Variants in ASIC2 observed in about 807,000 individuals in gnomAD.
The protein encoded by ASIC2 is acid-sensing ion channel 2.
In ASIC2, 25 loss-of-function variants were observed where a neutral mutation model predicts 57.3. That is an observed-to-expected ratio of 0.44 (90% CI 0.32 to 0.61). The LOEUF (loss-of-function observed/expected upper bound fraction) is 0.61. ASIC2 is among the 20% of genes least tolerant of loss of function. The pLI is 0.06. For missense variants in ASIC2, 641 were observed against 738.1 expected (o/e 0.87, Z 1.52); for synonymous variants, 319 against 307.5 (o/e 1.04, Z -0.39).
chr17:33,643,335 T>C (rs556038588), intron 1 of ASIC2, among the ~76,000 whole-genome samples: 3 of 152,256 alleles, frequency 2.0e-5, no homozygotes, highest in Non-Finnish European at 4.4e-5. Context: ...TTATAAAAAC[T>C]ATCTTTGCTG....
At chr17:33,220,415 A>G (rs1040320388) in intron 1 of ASIC2, among the ~76,000 whole-genome samples, 3 of 152,132 alleles carry the variant, frequency 2.0e-5, no homozygotes, top group African/African-American at 7.2e-5. Flanking sequence ...CTTGCTAACC[A>G]TCCCCACTTC....
intron 1 of ASIC2, among the ~76,000 whole-genome samples, chr17:33,415,693 AAG>A (rs1311137946): frequency 2.0e-5 from 3 of 152,138 alleles, no homozygotes; most frequent in African/African-American, 4.8e-5. Context: ...GAGACAGAGA[AAG>A]AGAGAGAGCT....
chr17:33,529,500 C>T (rs1458992624), intron 1 of ASIC2, among the ~76,000 whole-genome samples: 3 of 152,210 alleles, frequency 2.0e-5, no homozygotes, highest in Admixed American at 6.5e-5. Flanking sequence ...GTAGAATCTG[C>T]AAGACCCCTA....
At chr17:33,659,097 A>G (rs564899475) in intron 1 of ASIC2, among the ~76,000 whole-genome samples, 29 of 152,230 alleles carry the variant, frequency 1.9e-4, no homozygotes, top group Non-Finnish European at 3.8e-4. Flanking sequence ...GGAGGAACGC[A>G]CACACTCAGA....
chr17:33,968,154 A>C (rs1226873765), intron 1 of ASIC2, among the ~76,000 whole-genome samples: 2 of 152,054 alleles, frequency 1.3e-5, no homozygotes, highest in Non-Finnish European at 1.5e-5. Context: ...CCACATCCCC[A>C]TGTTGCCAGA....
intron 1 of ASIC2, among the ~76,000 whole-genome samples, chr17:33,865,785 G>C (rs1382457611): frequency 8.6e-4 from 61 of 71,136 alleles, no homozygotes; most frequent in African/African-American, 3.0e-3. Context: ...AAAAAAAAAC[G>C]TTTTTTTATT....
intron 1 of ASIC2, among the ~76,000 whole-genome samples, chr17:33,969,350 G>A (rs1028887478): frequency 3.3e-5 from 5 of 152,174 alleles, no homozygotes; most frequent in Non-Finnish European, 7.3e-5. Flanking sequence ...AATGAATGGA[G>A]GATGTAAGCA....
chr17:33,995,085 A>G (rs949877701), intron 1 of ASIC2, among the ~76,000 whole-genome samples: 1 of 152,044 alleles, frequency 6.6e-6, no homozygotes, highest in African/African-American at 2.4e-5. Context: ...CCAGGACTGT[A>G]CCTATGGCCA....
intron 1 of ASIC2, among the ~76,000 whole-genome samples, chr17:33,738,245 T>C (rs529123475): frequency 1.3e-5 from 2 of 152,296 alleles, no homozygotes; most frequent in South Asian, 2.1e-4. Context: ...TGGCCTCTTC[T>C]TAGATGTGGT....
At chr17:33,932,419 A>G (rs1915950464) in intron 1 of ASIC2, among the ~76,000 whole-genome samples, 1 of 152,104 alleles carries the variant, frequency 6.6e-6, no homozygotes, top group Admixed American at 6.5e-5. Flanking sequence ...AATATAGTAT[A>G]AAAGCCAGGC....
chr17:33,062,517 G>A (rs186129083), intron 3 of ASIC2, among the ~76,000 whole-genome samples: 3 of 152,180 alleles, frequency 2.0e-5, no homozygotes, highest in Non-Finnish European at 4.4e-5. Flanking sequence ...TTGCACTGTG[G>A]TCTGAGAGAC....
intron 1 of ASIC2, among the ~76,000 whole-genome samples, chr17:33,319,138 G>A (rs1002492501): frequency 5.9e-5 from 9 of 152,178 alleles, no homozygotes; most frequent in Admixed American, 1.3e-4. Flanking sequence ...GCTGAGGCAC[G>A]AGAATCACTT....
intron 1 of ASIC2, among the ~76,000 whole-genome samples, chr17:33,267,994 C>A (rs7224157): frequency 6.6e-6 from 1 of 152,238 alleles, no homozygotes; most frequent in Non-Finnish European, 1.5e-5. Flanking sequence ...ACCGTGCATG[C>A]GTAAAGGGCT....
At chr17:33,833,106 T>C (rs1913164313) in intron 1 of ASIC2, among the ~76,000 whole-genome samples, 1 of 152,144 alleles carries the variant, frequency 6.6e-6, no homozygotes. Flanking sequence ...AAAGATCAAA[T>C]ATGTTAAAAC....
Position 34,132,520 on chromosome 17 carries a change from G to A in ASIC2, c.555+23458C>T, listed in dbSNP as rs150418138. ...TCTTTTTTCAATCCTCCCTGCAACTGGCTACTTTTAGGATCCTGCTGATTG... is the reference window on the plus strand; with the variant it reads ...TCTTTTTTCAATCCTCCCTGCAACTAGCTACTTTTAGGATCCTGCTGATTG... On this transcript the variant is annotated intron_variant, in intron 1 of 9. Transcript: ENST00000359872. Among the ~76,000 whole-genome samples the A allele has an allele frequency of 7.3e-3, 1,108 of 152,108 alleles. 16 individuals carry two copies. The highest frequency in any genetic ancestry group is 0.025 in the African/African-American group (1,055 of 41,468).
intron 1 of ASIC2, among the ~76,000 whole-genome samples, chr17:33,523,510 G>A (rs1914802749): frequency 6.6e-6 from 1 of 152,026 alleles, no homozygotes; most frequent in South Asian, 2.1e-4. Context: ...CCACCCACCG[G>A]GACTCCCAAA....
intron 1 of ASIC2, among the ~76,000 whole-genome samples, chr17:33,454,263 C>G (rs1912372362): frequency 6.6e-6 from 1 of 152,194 alleles, no homozygotes; most frequent in Non-Finnish European, 1.5e-5. Flanking sequence ...TGTTCACTGT[C>G]CACTATGTTG....
chr17:33,994,942 A>T (rs1327730022), intron 1 of ASIC2, among the ~76,000 whole-genome samples: 4 of 152,174 alleles, frequency 2.6e-5, no homozygotes, highest in Non-Finnish European at 5.9e-5. Flanking sequence ...CAAGGAGGTG[A>T]TCTATATGTA....
chr17:33,232,751 C>A (rs1480743342), intron 1 of ASIC2, among the ~76,000 whole-genome samples: 1 of 152,084 alleles, frequency 6.6e-6, no homozygotes, highest in African/African-American at 2.4e-5. Context: ...TTTTTCAATT[C>A]AAATAAACCC....
Sources: gnomAD v4.1 joint callset for allele counts (sites outside exome capture counted in the v4.1 genomes callset) on GRCh38, gnomAD v4.1.1 for gene constraint, MANE v1.5 for transcripts, NCBI Gene and HGNC (gene_info 2026-07-23, HGNC 2026-07-21) for gene names.